Variants in TCF20 observed in about 807,000 individuals in gnomAD.
The protein encoded by TCF20 is transcription factor 20.
A neutral mutation model predicts 148.6 loss-of-function variants in TCF20; 3 were observed. The observed-to-expected ratio is 0.02, with a 90% CI of 0.01 to 0.05. TCF20 has a LOEUF of 0.05. Ranked by LOEUF, TCF20 falls within the 10% of genes least tolerant of loss-of-function variation. The pLI is 1.00. For missense variants in TCF20, 2,350 were observed against 2,429.3 expected, an observed-to-expected ratio of 0.97 and a Z score of 0.69; for synonymous variants, 1,049 against 909.5, an observed-to-expected ratio of 1.15 and a Z score of -2.76.
intron 1 of TCF20, among the ~76,000 whole-genome samples, chr22:42,234,770 A>G (rs773120485): frequency 4.6e-5 from 7 of 152,246 alleles, no homozygotes; most frequent in Non-Finnish European, 2.9e-5. Flanking sequence ...GAAGAGCATC[A>G]AGAATTAGCA....
chr22:42,241,283 A>G (rs1924378349), intron 1 of TCF20, among the ~76,000 whole-genome samples: 1 of 152,240 alleles, frequency 6.6e-6, no homozygotes, highest in African/African-American at 2.4e-5. Flanking sequence ...GCACACAAAC[A>G]TATGAACAAA....
At chr22:42,165,391 C>T (rs536127857) in intron 5 of TCF20, among the ~76,000 whole-genome samples, 50 of 152,320 alleles carry the variant, frequency 3.3e-4, no homozygotes, top group African/African-American at 1.2e-3. Context: ...GACCACAGGG[C>T]CTGTTAGGGC....
At chr22:42,255,445 C>T (rs764956913) in intron 1 of TCF20, among the ~76,000 whole-genome samples, 4 of 151,916 alleles carry the variant, frequency 2.6e-5, no homozygotes, top group East Asian at 1.9e-4. Flanking sequence ...GCTGAGATCG[C>T]GCCACTGCAC....
chr22:42,234,006 CTTAAG>C (rs1331418635), intron 1 of TCF20, among the ~76,000 whole-genome samples: 4 of 152,308 alleles, frequency 2.6e-5, no homozygotes, highest in African/African-American at 4.8e-5. Flanking sequence ...AAAGAAAGCA[CTTAAG>C]TTTAGTACAA....
intron 1 of TCF20, chr22:42,343,449 C>T (rs1290663561): frequency 6.6e-6 from 1 of 151,230 alleles, no homozygotes; most frequent in Non-Finnish European, 1.5e-5. Flanking sequence ...CCACCCCCCG[C>T]CCCCCGCCGC....
intron 1 of TCF20, among the ~76,000 whole-genome samples, chr22:42,332,570 C>T (rs1927996211): frequency 1.3e-5 from 2 of 152,138 alleles, no homozygotes; most frequent in Non-Finnish European, 2.9e-5. Flanking sequence ...GTGGTACCAT[C>T]TCGGCTCACT....
chr22:42,226,006 C>T (rs1256887720), intron 1 of TCF20, among the ~76,000 whole-genome samples: 2 of 152,228 alleles, frequency 1.3e-5, no homozygotes, highest in Non-Finnish European at 2.9e-5. Flanking sequence ...CCACCACATG[C>T]TTCTGTAACT....
At chr22:42,209,521 T>C in intron 2 of TCF20, 130 bp downstream of exon 2, 6 of 1,078,664 alleles carry the variant, frequency 5.6e-6, no homozygotes, top group Non-Finnish European at 8.0e-6. Flanking sequence ...TTTCATTTTC[T>C]GTCCATCACA....
At chr22:42,250,247 T>TG (rs573748498) in intron 1 of TCF20, among the ~76,000 whole-genome samples, 167 of 152,238 alleles carry the variant, frequency 1.1e-3, no homozygotes, top group African/African-American at 3.9e-3. Context: ...GAGGCCAGCC[T>TG]GGCCAATACG....
chr22:42,302,770 C>T (rs978427911), intron 1 of TCF20, among the ~76,000 whole-genome samples: 1 of 152,232 alleles, frequency 6.6e-6, no homozygotes. Context: ...CACCTCCCAT[C>T]CTGTAGTTCC....
chr22:42,287,735 G>GA (rs1480776911), upstream of TCF20, among the ~76,000 whole-genome samples: 3 of 152,084 alleles, frequency 2.0e-5, no homozygotes, highest in Admixed American at 6.5e-5. Context: ...TCTACTGCTG[G>GA]AAAACCACAA....
intron 1 of TCF20, among the ~76,000 whole-genome samples, chr22:42,280,337 G>A (rs1159672165): frequency 3.9e-5 from 6 of 152,208 alleles, no homozygotes; most frequent in Admixed American, 3.9e-4. Context: ...CGCCACGTAT[G>A]AGGGGCGTCC....
rs1927650769 is a variant in TCF20 at position 42,317,389 on chromosome 22, A to G, written c.-37+26090T>C. 6.6e-6 allele frequency among the ~76,000 whole-genome samples: 1 copy of G among 152,082 alleles called. No homozygotes were observed. Among genetic ancestry groups the G allele is most frequent in the South Asian group, 2.1e-4 (1 of 4,824 alleles). On this transcript the variant is annotated intron_variant, in intron 1 of 1. Transcript: ENST00000515426. The surrounding 1 kb of genome is among the most constrained non-coding windows in gnomAD (Gnocchi z 4.2). Reference sequence around the variant, plus strand: ...GTGTTTATGTGTGTGGTGGGGAAGGAGGGGCGGCGCTGGGTGACGGAGCTT... The same window carrying G: ...GTGTTTATGTGTGTGGTGGGGAAGGGGGGGCGGCGCTGGGTGACGGAGCTT...
At chr22:42,228,539 A>ACTGGGGAGCTTGTACTCCATTCACCATCC (rs1923112566) in intron 1 of TCF20, among the ~76,000 whole-genome samples, 1 of 152,244 alleles carries the variant, frequency 6.6e-6, no homozygotes, top group East Asian at 1.9e-4. Flanking sequence ...TTAGGCAGTG[A>ACTGGGGAGCTTGTACTCCATTCACCATCC]CTGGGGAGCT....
At chr22:42,199,186 A>G (rs139398603) in intron 2 of TCF20, among the ~76,000 whole-genome samples, 216 of 152,302 alleles carry the variant, frequency 1.4e-3, no homozygotes, top group Non-Finnish European at 2.8e-3. Flanking sequence ...TTATGTAAAT[A>G]ATATGTAAAT....
rs1345683950 is a variant in TCF20, at chr22:42,292,609, A to G, written c.-37+50870T>C. 1.3e-5 allele frequency among the ~76,000 whole-genome samples: 2 copies of G among 152,214 alleles called. No individual in the cohort carries two copies. The highest frequency in any genetic ancestry group is 6.5e-5 in the Admixed American group (1 of 15,290). On this transcript the variant is annotated intron_variant, in intron 1 of 1. Transcript: ENST00000515426. This position sits in a 1 kb window ranked among gnomAD's most constrained non-coding sequence, Gnocchi z 4.9. ...GTGGGCAGCACGGTGGCCTGGATAAATCCCAGAAGGCATCCCAGAAGAGGG... is the reference window on the plus strand; with the variant it reads ...GTGGGCAGCACGGTGGCCTGGATAAGTCCCAGAAGGCATCCCAGAAGAGGG...
chr22:42,210,212 C>A lies in TCF20; in HGVS notation c.5094G>T (p.Ser1698=). 1 of 1,614,160 alleles carries A rather than the reference C, an allele frequency of 6.2e-7. No homozygotes were observed. The highest frequency in any genetic ancestry group is 1.3e-5 in the African/African-American group (1 of 75,040). The change falls in exon 2 of 6, where the codon TCG becomes TCT. Residue 1698 remains serine (S), a synonymous_variant. Coordinates refer to ENST00000677622, the MANE Select transcript of TCF20 (RefSeq NM_001378418.1). The surrounding 1 kb of genome is among the most constrained non-coding windows in gnomAD (Gnocchi z 4.7). ...GACAGCAAACCAGGTGCCCCATAAC[C>A]GAAGACTCTGTCACAACAGGTCCCT... ...MLQGPVVTES[S]VMGHLVCCLC...
rs1428411104 is a variant in TCF20 at position 42,214,523 on chromosome 22, A to G, written c.783T>C (p.Asp261=). Residue 261 remains aspartate (D), a synonymous_variant, in exon 2 of 6, where the codon GAT becomes GAC. Coordinates refer to ENST00000677622, the MANE Select transcript of TCF20 (RefSeq NM_001378418.1). ...QRFSQSGQSY[D]GSYNVNAGSQ... ...ATCCAGCATTCACATTGTAACTGCC[A>G]TCATAGCTCTGTCCAGACTGGCTAA... The G allele has an allele frequency of 3.1e-6, 5 of 1,614,104 alleles. No individual in the cohort carries two copies. Among genetic ancestry groups the G allele is most frequent in the Non-Finnish European group, 3.4e-6 (4 of 1,180,048 alleles).
At chr22:42,225,758 A>C (rs902675826) in intron 1 of TCF20, among the ~76,000 whole-genome samples, 6 of 152,196 alleles carry the variant, frequency 3.9e-5, no homozygotes, top group African/African-American at 9.7e-5. Context: ...ACAAGTCAGA[A>C]GCAGGAGGGA....
Sources: gnomAD v4.1 joint callset for allele counts (sites outside exome capture counted in the v4.1 genomes callset) on GRCh38, gnomAD v4.1.1 for gene constraint, Gnocchi (gnomAD v3.1) non-coding constraint, MANE v1.5 for transcripts, NCBI Gene and HGNC (gene_info 2026-07-23, HGNC 2026-07-21) for gene names.